Variants in PYY observed in about 807,000 individuals in gnomAD.
The protein encoded by PYY is peptide YY, also known as peptide tyrosine tyrosine.
Under a neutral mutation model 10.3 loss-of-function variants are expected in PYY, and 12 were observed. The observed-to-expected ratio is 1.17, with a 90% CI of 0.75 to 1.89. The LOEUF (loss-of-function observed/expected upper bound fraction) is 1.89. Ranked by LOEUF, PYY falls within the 40% of genes most tolerant of loss-of-function variation. The pLI is 0.00. For missense variants in PYY, 141 were observed against 134.0 expected (o/e 1.05, Z -0.26); for synonymous variants, 66 against 62.0 (o/e 1.06, Z -0.30).
intron 1 of PYY, among the ~76,000 whole-genome samples, chr17:43,967,601 AT>A (rs1310499933): frequency 6.6e-6 from 1 of 152,168 alleles, no homozygotes; most frequent in Non-Finnish European, 1.5e-5. Flanking sequence ...TAACAATAGC[AT>A]CTACTTCATA....
At chr17:43,954,573 C>T (rs1368003260), upstream of PYY, among the ~76,000 whole-genome samples, 1 of 152,122 alleles carries the variant, frequency 6.6e-6, no homozygotes, top group African/African-American at 2.4e-5. Flanking sequence ...GGAAAAGAGG[C>T]AGGAGGAGGC....
At chr17:43,964,942 T>C (rs1273887114) in intron 2 of PYY, among the ~76,000 whole-genome samples, 2 of 152,226 alleles carry the variant, frequency 1.3e-5, no homozygotes, top group Non-Finnish European at 2.9e-5. Context: ...ATCTCCTGTG[T>C]CCTTGAGAAC....
chr17:43,973,195 A>G (rs1201022543), intron 1 of PYY, among the ~76,000 whole-genome samples: 1 of 152,166 alleles, frequency 6.6e-6, no homozygotes, highest in Non-Finnish European at 1.5e-5. Flanking sequence ...AGAACCTGAA[A>G]GTAAGTTTTT....
At chr17:43,986,483 C>A (rs2048916813) in intron 1 of PYY, among the ~76,000 whole-genome samples, 1 of 152,150 alleles carries the variant, frequency 6.6e-6, no homozygotes, top group Admixed American at 6.5e-5. Flanking sequence ...GGTTCTGTAG[C>A]CTTGCAGCTT....
chr17:43,956,679 C>A (rs555536507), upstream of PYY, among the ~76,000 whole-genome samples: 7 of 152,270 alleles, frequency 4.6e-5, no homozygotes, highest in East Asian at 3.9e-4. Context: ...GCCAACAATT[C>A]TCCTTGTCCA....
intron 1 of PYY, among the ~76,000 whole-genome samples, chr17:43,993,357 G>A (rs1404281948): frequency 6.6e-6 from 1 of 152,044 alleles, no homozygotes; most frequent in East Asian, 1.9e-4. Flanking sequence ...TACTCGGGAG[G>A]CTGAGGCAGA....
intron 2 of PYY, among the ~76,000 whole-genome samples, chr17:43,960,908 G>C (rs1330387044): frequency 6.6e-6 from 1 of 150,676 alleles, no homozygotes; most frequent in Non-Finnish European, 1.5e-5. Context: ...ACCGGGATGA[G>C]AAACAAGGAA....
At chr17:43,983,242 C>T (rs1458507295) in intron 1 of PYY, among the ~76,000 whole-genome samples, 1 of 151,798 alleles carries the variant, frequency 6.6e-6, no homozygotes, top group Non-Finnish European at 1.5e-5. Context: ...AACAAACAAA[C>T]AAAAAACAAC....
intron 2 of PYY, among the ~76,000 whole-genome samples, chr17:43,963,570 A>AAAGAAAGAAAGAAAG (rs2048728191): frequency 1.9e-5 from 2 of 104,676 alleles, no homozygotes; most frequent in Admixed American, 1.2e-4. Flanking sequence ...GGAAGGAAGG[A>AAAGAAAGAAAGAAAG]AAAGAAAGAA....
chr17:43,995,846 A>AC (rs58822779), intron 1 of PYY, among the ~76,000 whole-genome samples: 4 of 149,014 alleles, frequency 2.7e-5, no homozygotes, highest in African/African-American at 7.4e-5. Context: ...AAAAAAAAAA[A>AC]CGAAAAGAAG....
In PYY at chr17:43,974,636, C is replaced by T. The variant is rs911901902; in HGVS notation, c.-462-8104G>A. 2.6e-5 allele frequency among the ~76,000 whole-genome samples: 4 copies of T among 152,246 alleles called. No individual in the cohort carries two copies. The East Asian group carries it at 7.7e-4, about 29-fold the overall frequency. ...CCAGCTCAATGTAAGCACCCCATAA[C>T]GTGCTACATTTTCTTGCTATTGTTT... is the stretch of plus-strand genomic sequence containing the variant. On this transcript the variant is annotated intron_variant, in intron 1 of 6. Coordinates refer to the PYY transcript ENST00000360085.
chr17:43,996,451 G>A (rs559585828), intron 1 of PYY, among the ~76,000 whole-genome samples: 10 of 152,086 alleles, frequency 6.6e-5, no homozygotes, highest in Non-Finnish European at 1.3e-4. Context: ...GTTCTTTCAA[G>A]CCATGGGGTT....
chr17:43,981,021 CTTTTTTTTTTCT>C (rs2048880506), intron 1 of PYY, among the ~76,000 whole-genome samples: 1 of 147,320 alleles, frequency 6.8e-6, no homozygotes, highest in Admixed American at 6.8e-5. Flanking sequence ...GACAGCAGAA[CTTTTTTTTTTCT>C]TTTTTTTTTT....
upstream of PYY, among the ~76,000 whole-genome samples, chr17:43,958,679 C>G (rs1373901844): frequency 6.6e-6 from 1 of 152,160 alleles, no homozygotes; most frequent in Non-Finnish European, 1.5e-5. Context: ...CACACCCGGC[C>G]CCTAAAAGGC....
At chr17:43,993,389 G>C (rs1443595195) in intron 1 of PYY, among the ~76,000 whole-genome samples, 1 of 151,530 alleles carries the variant, frequency 6.6e-6, no homozygotes, top group Non-Finnish European at 1.5e-5. Context: ...AACCCGCGAG[G>C]CAGAGCCTGC....
intron 2 of PYY, among the ~76,000 whole-genome samples, chr17:43,960,554 A>AC (rs2048705131): frequency 6.8e-6 from 1 of 146,904 alleles, no homozygotes; most frequent in African/African-American, 2.5e-5. Flanking sequence ...AAAAAAAAAA[A>AC]ACAATATTCA....
chr17:43,968,830 G>A (rs928907811), intron 1 of PYY, among the ~76,000 whole-genome samples: 7 of 151,472 alleles, frequency 4.6e-5, no homozygotes, highest in Admixed American at 1.3e-4. Context: ...TAAATAAGCC[G>A]AGCTCAGTGG....
chr17:43,965,789 C>CAAAAAAAAAA (rs67609128), intron 2 of PYY, among the ~76,000 whole-genome samples: 42 of 31,938 alleles, frequency 1.3e-3, no homozygotes, highest in African/African-American at 2.6e-3. Context: ...ATCCATCTCA[C>CAAAAAAAAAA]AAAAAAAAAA....
intron 1 of PYY, among the ~76,000 whole-genome samples, chr17:43,972,925 G>A (rs989113155): frequency 6.6e-6 from 1 of 151,902 alleles, no homozygotes; most frequent in African/African-American, 2.4e-5. Context: ...ATGTTGGCCA[G>A]GATGGTCTTG....
Sources: allele counts gnomAD v4.1 joint callset (sites outside exome capture counted in the v4.1 genomes callset), GRCh38; gene constraint gnomAD v4.1.1; transcripts MANE v1.5; gene names NCBI Gene and HGNC (gene_info 2026-07-23, HGNC 2026-07-21).